Variants in KCNH7 observed in about 807,000 individuals in gnomAD.
KCNH7 encodes voltage-gated inwardly rectifying potassium channel KCNH7.
A neutral mutation model predicts 120.8 loss-of-function variants in KCNH7; 49 were observed. That is an observed-to-expected ratio of 0.41 (90% CI 0.32 to 0.51). The LOEUF (loss-of-function observed/expected upper bound fraction) is 0.51. Ranked by LOEUF, KCNH7 falls within the 20% of genes least tolerant of loss-of-function variation. The pLI is 0.38. For missense variants in KCNH7, 1,097 were observed against 1,446.6 expected, an observed-to-expected ratio of 0.76 and a Z score of 3.92; for synonymous variants, 547 against 516.1, an observed-to-expected ratio of 1.06 and a Z score of -0.81.
chr2:162,673,336 A>T (rs992872822), intron 2 of KCNH7, among the ~76,000 whole-genome samples: 1 of 152,110 alleles, frequency 6.6e-6, no homozygotes, highest in Non-Finnish European at 1.5e-5. Flanking sequence ...ATGTATGAAA[A>T]GGACGAAACA....
At chr2:162,406,470 A>G (rs547750289) in intron 9 of KCNH7, among the ~76,000 whole-genome samples, 1 of 152,112 alleles carries the variant, frequency 6.6e-6, no homozygotes, top group East Asian at 1.9e-4. Context: ...TAAATAGCAC[A>G]TTAATCATAT....
chr2:162,395,596 T>C (rs1686887370), intron 11 of KCNH7, among the ~76,000 whole-genome samples: 1 of 151,716 alleles, frequency 6.6e-6, no homozygotes. Flanking sequence ...AAAGTCAGAA[T>C]GAGGGTGGTG....
intron 2 of KCNH7, among the ~76,000 whole-genome samples, chr2:162,687,619 C>T (rs930314074): frequency 3.3e-5 from 5 of 151,980 alleles, no homozygotes; most frequent in African/African-American, 9.7e-5. Flanking sequence ...ATTTACACCA[C>T]GAAAGTTGGC....
chr2:162,419,274 T>TAAAAAAAA (rs758417385), intron 9 of KCNH7, among the ~76,000 whole-genome samples: 1 of 61,872 alleles, frequency 1.6e-5, no homozygotes, highest in Non-Finnish European at 3.2e-5. Flanking sequence ...TGTCCCAGGC[T>TAAAAAAAA]AAAAAAAAAA....
At chr2:162,688,153 A>G (rs530302642) in intron 2 of KCNH7, among the ~76,000 whole-genome samples, 13 of 152,324 alleles carry the variant, frequency 8.5e-5, no homozygotes, top group African/African-American at 3.1e-4. Flanking sequence ...ACAGTTTTCC[A>G]ATGGAGTTAT....
intron 2 of KCNH7, among the ~76,000 whole-genome samples, chr2:162,601,700 A>G (rs1694563529): frequency 6.6e-6 from 1 of 152,022 alleles, no homozygotes; most frequent in Admixed American, 6.6e-5. Context: ...GGAATGCTTT[A>G]TCTTAGAAAG....
chr2:162,390,066 CT>C (rs908789878), intron 12 of KCNH7, among the ~76,000 whole-genome samples: 16 of 152,034 alleles, frequency 1.1e-4, no homozygotes, highest in Admixed American at 9.8e-4. Context: ...GGTTACACTG[CT>C]GTCCTCATTG....
chr2:162,507,670 T>G (rs1311565942), intron 5 of KCNH7, among the ~76,000 whole-genome samples: 1 of 151,604 alleles, frequency 6.6e-6, no homozygotes, highest in Non-Finnish European at 1.5e-5. Context: ...TCACTACTAT[T>G]GCATTATATC....
At chr2:162,789,068 G>C (rs1683823536) in intron 2 of KCNH7, among the ~76,000 whole-genome samples, 1 of 148,804 alleles carries the variant, frequency 6.7e-6, no homozygotes, top group South Asian at 2.1e-4. Context: ...TCAAAAATGA[G>C]AGATACTTTC....
At chr2:162,750,684 A>T (rs1477038713) in intron 2 of KCNH7, among the ~76,000 whole-genome samples, 1 of 152,170 alleles carries the variant, frequency 6.6e-6, no homozygotes, top group Non-Finnish European at 1.5e-5. Context: ...GATATGTTTA[A>T]CATTGTAAGA....
At chr2:162,710,910 T>C (rs953179258) in intron 2 of KCNH7, among the ~76,000 whole-genome samples, 2 of 152,180 alleles carry the variant, frequency 1.3e-5, no homozygotes, top group Non-Finnish European at 2.9e-5. Flanking sequence ...GCAGAACAGA[T>C]GTGTTATGGC....
chr2:162,741,554 T>C, intron 2 of KCNH7, among the ~76,000 whole-genome samples: 1 of 152,106 alleles, frequency 6.6e-6, no homozygotes, highest in East Asian at 1.9e-4. Flanking sequence ...TTTACCAGCA[T>C]GCTCATAAAT....
chr2:162,622,166 C>T (rs1308789554), intron 2 of KCNH7, among the ~76,000 whole-genome samples: 3 of 152,186 alleles, frequency 2.0e-5, no homozygotes, highest in Non-Finnish European at 4.4e-5. Context: ...ATATACAATA[C>T]TTCTGTGTGT....
intron 2 of KCNH7, among the ~76,000 whole-genome samples, chr2:162,749,205 T>TTC (rs1688456381): frequency 6.6e-6 from 1 of 151,726 alleles, no homozygotes; most frequent in South Asian, 2.1e-4. Context: ...CTTTCTTTCT[T>TTC]TCTCTCTCTT....
At chr2:162,677,193 G>C (rs749459365) in intron 2 of KCNH7, among the ~76,000 whole-genome samples, 20 of 151,398 alleles carry the variant, frequency 1.3e-4, no homozygotes, top group Non-Finnish European at 2.5e-4. Flanking sequence ...CCTCAAAAAT[G>C]TTTGTTTTAT....
rs79027711 is a variant in KCNH7 at position 162,459,548 on chromosome 2, C to A, written c.1129-13105G>T. On this transcript the variant is annotated intron_variant, in intron 6 of 15. Transcript: ENST00000332142. ...TGACAAGCAGGTGGATCTTTTCTTG[C>A]TCTGCCTTCTTCCTTCTACCTCATG... Among the ~76,000 whole-genome samples, 846 of 152,268 alleles carry A rather than the reference C, an allele frequency of 5.6e-3. 6 individuals carry two copies. The highest frequency in any genetic ancestry group is 0.019 in the African/African-American group (785 of 41,554).
chr2:162,512,775 C>A, intron 4 of KCNH7, 101 bp from the exon 5 acceptor site: 1 of 916,102 alleles, frequency 1.1e-6, no homozygotes, highest in South Asian at 1.7e-5. Context: ...TCAGAGAAAT[C>A]AGAATATGAT....
chr2:162,790,496 T>C (rs979442449), intron 2 of KCNH7, among the ~76,000 whole-genome samples: 2 of 151,956 alleles, frequency 1.3e-5, no homozygotes, highest in African/African-American at 4.8e-5. Flanking sequence ...AGGTCAGCAC[T>C]ATCCTGATAC....
intron 2 of KCNH7, among the ~76,000 whole-genome samples, chr2:162,744,836 G>C (rs1228297040): frequency 2.0e-5 from 3 of 152,120 alleles, no homozygotes; most frequent in African/African-American, 4.8e-5. Flanking sequence ...GCCTCCCAAA[G>C]TGCTGGGATT....
Sources: gnomAD v4.1 joint callset for allele counts (sites outside exome capture counted in the v4.1 genomes callset) on GRCh38, gnomAD v4.1.1 for gene constraint, MANE v1.5 for transcripts, NCBI Gene and HGNC (gene_info 2026-07-23, HGNC 2026-07-21) for gene names.